PCDH9: variants seen among roughly 807,000 people sequenced by gnomAD.
The protein encoded by PCDH9 is protocadherin 9.
A neutral mutation model predicts 70.6 loss-of-function variants in PCDH9; 24 were observed. That is an observed-to-expected ratio of 0.34 (90% confidence interval 0.25 to 0.48). The LOEUF (loss-of-function observed/expected upper bound fraction) is 0.48. Among genes scored for constraint, PCDH9 ranks in the 20% least tolerant of loss-of-function variants. PCDH9 has a pLI of 0.99. For missense variants in PCDH9, 1,281 were observed against 1,503.6 expected, an observed-to-expected ratio of 0.85 and a Z score of 2.45; for synonymous variants, 562 against 558.5, an observed-to-expected ratio of 1.01 and a Z score of -0.09.
At chr13:66,964,614 T>TAA (rs879649336) in intron 2 of PCDH9, among the ~76,000 whole-genome samples, 2 of 145,332 alleles carry the variant, frequency 1.4e-5, no homozygotes, top group African/African-American at 5.0e-5. Flanking sequence ...GGGCAAAATG[T>TAA]AAAAAAAAAA....
At chr13:67,014,057 A>G (rs17195224) in intron 2 of PCDH9, among the ~76,000 whole-genome samples, 23,613 of 152,096 alleles carry the variant, frequency 0.16, 1,982 homozygotes, top group Middle Eastern at 0.22. Context: ...ATCAAAACAT[A>G]TATTTTCCCA....
At chr13:67,078,079 T>C in intron 2 of PCDH9, among the ~76,000 whole-genome samples, 1 of 152,162 alleles carries the variant, frequency 6.6e-6, no homozygotes. Flanking sequence ...TTCCTGCAGA[T>C]GGCTGAGGTG....
intron 3 of PCDH9, among the ~76,000 whole-genome samples, chr13:66,794,135 A>G (rs1328003103): frequency 6.6e-6 from 1 of 152,142 alleles, no homozygotes; most frequent in African/African-American, 2.4e-5. Flanking sequence ...AACAAGAAAG[A>G]TAGTTTTTTT....
chr13:66,906,189 G>T (rs1450741967), intron 2 of PCDH9, among the ~76,000 whole-genome samples: 1 of 152,166 alleles, frequency 6.6e-6, no homozygotes, highest in Non-Finnish European at 1.5e-5. Context: ...TAGACTCCCA[G>T]ATTTGATACA....
At chr13:66,953,348 C>T (rs1441760954) in intron 2 of PCDH9, among the ~76,000 whole-genome samples, 3 of 152,092 alleles carry the variant, frequency 2.0e-5, no homozygotes, top group Admixed American at 2.0e-4. Flanking sequence ...TTGTTCATCC[C>T]CATATCCCCA....
At chr13:67,002,056 GAAGT>G (rs1566354875) in intron 2 of PCDH9, 2 of 152,160 alleles carry the variant, frequency 1.3e-5, no homozygotes, top group African/African-American at 4.8e-5. Context: ...AGTTATATAA[GAAGT>G]AAGCTAGTTA....
chr13:66,699,039 G>A (rs768583619), intron 3 of PCDH9, among the ~76,000 whole-genome samples: 28 of 151,154 alleles, frequency 1.9e-4, no homozygotes, highest in African/African-American at 6.1e-4. Flanking sequence ...CTCAGCCTCC[G>A]GAGTAGCTGA....
intron 2 of PCDH9, chr13:66,915,104 AAAC>A (rs1248972350): frequency 6.6e-6 from 1 of 151,740 alleles, no homozygotes; most frequent in Non-Finnish European, 1.5e-5. Flanking sequence ...AAACATGATT[AAAC>A]AATATATAGA....
At chr13:66,684,825 T>C (rs2078377353) in intron 3 of PCDH9, among the ~76,000 whole-genome samples, 1 of 152,104 alleles carries the variant, frequency 6.6e-6, no homozygotes, top group Admixed American at 6.6e-5. Context: ...GGAACTGGGT[T>C]ACAGGAAGAG....
intron 4 of PCDH9, among the ~76,000 whole-genome samples, chr13:66,324,190 T>A (rs1955802330): frequency 1.3e-5 from 2 of 152,028 alleles, no homozygotes; most frequent in African/African-American, 4.8e-5. Flanking sequence ...GGGAAACCCA[T>A]GAGGCTGGAG....
At chr13:66,371,989 T>C (rs1206754911) in intron 4 of PCDH9, among the ~76,000 whole-genome samples, 1 of 152,018 alleles carries the variant, frequency 6.6e-6, no homozygotes, top group Non-Finnish European at 1.5e-5. Flanking sequence ...TTAGCAAATA[T>C]GAAGCTATCA....
chr13:67,188,627 T>C (rs1245708524), intron 2 of PCDH9, among the ~76,000 whole-genome samples: 1 of 152,106 alleles, frequency 6.6e-6, no homozygotes. Context: ...ATCCTAGTGA[T>C]CTGCCCTGGA....
At chr13:66,877,336 T>C (rs1230096440) in intron 3 of PCDH9, among the ~76,000 whole-genome samples, 7 of 151,182 alleles carry the variant, frequency 4.6e-5, no homozygotes, top group Non-Finnish European at 2.9e-5. Flanking sequence ...AAAATATATA[T>C]ATAATGTGAC....
At chr13:66,720,222 G>A (rs755121852) in intron 3 of PCDH9, among the ~76,000 whole-genome samples, 1 of 151,354 alleles carries the variant, frequency 6.6e-6, no homozygotes, top group East Asian at 1.9e-4. Flanking sequence ...GTGCTATTTC[G>A]GCTCACTGCA....
At chr13:66,369,540 G>C (rs907404930) in intron 4 of PCDH9, among the ~76,000 whole-genome samples, 2 of 151,940 alleles carry the variant, frequency 1.3e-5, no homozygotes, top group Non-Finnish European at 2.9e-5. Flanking sequence ...ATAATCTCTT[G>C]ACTTTAAAAT....
intron 2 of PCDH9, among the ~76,000 whole-genome samples, chr13:66,969,442 C>A (rs547108870): frequency 6.6e-6 from 1 of 152,002 alleles, no homozygotes; most frequent in Non-Finnish European, 1.5e-5. Flanking sequence ...GAAATCACTA[C>A]AGTCTAGAGC....
intron 2 of PCDH9, among the ~76,000 whole-genome samples, chr13:67,127,185 C>T (rs533002060): frequency 4.4e-4 from 67 of 152,242 alleles, no homozygotes; most frequent in Middle Eastern, 6.8e-3. Flanking sequence ...CAAATTCAAA[C>T]AGCCCTGGAG....
At chr13:66,881,971 A>G (rs1028869448) in intron 3 of PCDH9, among the ~76,000 whole-genome samples, 1 of 152,198 alleles carries the variant, frequency 6.6e-6, no homozygotes, top group Non-Finnish European at 1.5e-5. Context: ...TTATGTATAA[A>G]CTATTAAATC....
chr13:66,444,954 C>A (rs545578296), intron 4 of PCDH9, among the ~76,000 whole-genome samples: 21 of 151,522 alleles, frequency 1.4e-4, no homozygotes, highest in Non-Finnish European at 2.4e-4. Context: ...ACAACAACAA[C>A]AAATTTGGTT....
Sources: allele counts gnomAD v4.1 joint callset (sites outside exome capture counted in the v4.1 genomes callset), GRCh38; gene constraint gnomAD v4.1.1; transcripts MANE v1.5; gene names NCBI Gene and HGNC (gene_info 2026-07-23, HGNC 2026-07-21).